The following ZNF208 variants were observed in gnomAD, a reference collection of about 807,000 sequenced individuals.
ZNF208 encodes the protein zinc finger protein 208, also known as zinc finger protein 95.
A neutral mutation model predicts 12.1 loss-of-function variants in ZNF208; 10 were observed. That is an observed-to-expected ratio of 0.83 (90% CI 0.51 to 1.40). The LOEUF (loss-of-function observed/expected upper bound fraction) is 1.40. ZNF208 is among the 40% of genes most tolerant of loss of function. The pLI is 0.00. For missense variants in ZNF208, 1,652 were observed against 1,485.0 expected (o/e 1.11, Z -1.85); for synonymous variants, 497 against 488.4 (o/e 1.02, Z -0.23).
At chr19:21,957,807 G>T (rs1392476994) in intron 4 of ZNF208, among the ~76,000 whole-genome samples, 1 of 152,024 alleles carries the variant, frequency 6.6e-6, no homozygotes, top group African/African-American at 2.4e-5. Context: ...TCTATTGTGA[G>T]TAGCTTTTTT....
chr19:21,975,551 CAGGT>C (rs1363510886), intron 3 of ZNF208, among the ~76,000 whole-genome samples: 4 of 152,044 alleles, frequency 2.6e-5, no homozygotes, highest in Non-Finnish European at 5.9e-5. Context: ...AATTTTGTGA[CAGGT>C]AGCCTTTTTA....
rs760602644 is a variant in ZNF208, at chr19:21,972,936, T to C, written c.2098A>G (p.Lys700Glu). The C allele has an allele frequency of 2.6e-5, 42 of 1,613,666 alleles. No homozygotes were observed. The highest frequency in any genetic ancestry group is 1.1e-5 in the Non-Finnish European group (13 of 1,179,922). ...AGGTTTGAGGACCAGTTGAAAGCTTTGCCACATTCTTCACATTTGTAGGGT... is the reference window on the plus strand; with the variant it reads ...AGGTTTGAGGACCAGTTGAAAGCTTCGCCACATTCTTCACATTTGTAGGGT... ...EKPYKCEECG[K>E]AFNWSSNLME... The change falls in exon 4 of 4, where the codon AAA becomes GAA. Residue 700 changes from lysine to glutamate, a missense_variant. By Grantham distance (56) the Lys-to-Glu change is moderately conservative. Coordinates refer to ENST00000397126, the MANE Select transcript of ZNF208 (RefSeq NM_007153.3).
intron 1 of ZNF208, among the ~76,000 whole-genome samples, chr19:22,007,182 TA>T (rs1248640845): frequency 6.6e-6 from 1 of 152,074 alleles, no homozygotes; most frequent in Non-Finnish European, 1.5e-5. Context: ...GCTAACATTC[TA>T]AAAGCTAGAT....
In ZNF208 at chr19:21,972,986, T is replaced by C. The variant is rs367608380; in HGVS notation, c.2048A>G (p.His683Arg). 10 of 1,613,818 alleles carry C rather than the reference T, an allele frequency of 6.2e-6. No individual in the cohort carries two copies. Among genetic ancestry groups the C allele is most frequent in the Non-Finnish European group, 8.5e-6 (10 of 1,179,912 alleles). The change falls in exon 4 of 4, where the codon CAT (histidine) becomes CGT (arginine). Residue 683 changes from histidine to arginine, a missense_variant. Physicochemically the swap from His to Arg is conservative, Grantham distance 29. Coordinates refer to ENST00000397126, the MANE Select transcript of ZNF208 (RefSeq NM_007153.3). The part of the protein sequence containing the change: ...AFSKFSILTK[H>R]KVIHTGEKPY... ...TTTCTCTCCAGTATGAATTACCTTA[T>C]GTTTAGTAAGGATTGAGAACTTACT...
chr19:21,950,649 A>T (rs1169050900), intron 4 of ZNF208, among the ~76,000 whole-genome samples: 4 of 152,008 alleles, frequency 2.6e-5, no homozygotes, highest in Non-Finnish European at 5.9e-5. Flanking sequence ...ATCTGCCACC[A>T]CACCCAGCTA....
At chr19:21,994,736 AAAT>A (rs971453601) in intron 1 of ZNF208, among the ~76,000 whole-genome samples, 1 of 152,128 alleles carries the variant, frequency 6.6e-6, no homozygotes, top group South Asian at 2.1e-4. Context: ...AAAGAAATAC[AAAT>A]AATAATAATG....
Position 21,969,373 on chromosome 19 carries a change from ATTC to A in ZNF208, c.*1815_*1817del, listed in dbSNP as rs1415001052. ...CTTCTTTTAAAGTTATATACAAATAATTCTTCTTTTTGCCAACTTTAGTTTTGG... is the reference window on the plus strand; with the variant it reads ...CTTCTTTTAAAGTTATATACAAATAATTCTTTTTGCCAACTTTAGTTTTGG... On this transcript the variant is annotated 3_prime_UTR_variant, in exon 4 of 4. Coordinates refer to ENST00000397126, the MANE Select transcript of ZNF208 (RefSeq NM_007153.3). Among the ~76,000 whole-genome samples the A allele has an allele frequency of 3.9e-5, 6 of 152,124 alleles. No homozygotes were observed. The highest frequency in any genetic ancestry group is 7.4e-5 in the Non-Finnish European group (5 of 68,018).
intron 1 of ZNF208, among the ~76,000 whole-genome samples, chr19:21,992,591 C>A (rs1326440672): frequency 1.3e-5 from 2 of 152,170 alleles, no homozygotes; most frequent in African/African-American, 2.4e-5. Flanking sequence ...GTTCTGTCTT[C>A]ACTAAAAACC....
intron 1 of ZNF208, among the ~76,000 whole-genome samples, chr19:22,001,107 G>T (rs1428357927): frequency 2.0e-5 from 3 of 152,080 alleles, no homozygotes; most frequent in African/African-American, 7.2e-5. Flanking sequence ...TCAACCTGGG[G>T]AAACCCCGTC....
intron 1 of ZNF208, among the ~76,000 whole-genome samples, chr19:22,002,706 C>G (rs1045248067): frequency 6.6e-6 from 1 of 152,014 alleles, no homozygotes; most frequent in African/African-American, 2.4e-5. Context: ...ATGACACAAA[C>G]AAATGGAAAG....
chr19:21,946,237 G>T (rs1419419622), intron 4 of ZNF208, among the ~76,000 whole-genome samples: 1 of 152,162 alleles, frequency 6.6e-6, no homozygotes, highest in East Asian at 1.9e-4. Flanking sequence ...GTGGGCCAAG[G>T]TCTTTGGCCA....
chr19:21,976,326 C>T (rs1443839105), intron 3 of ZNF208, among the ~76,000 whole-genome samples: 1 of 152,008 alleles, frequency 6.6e-6, no homozygotes, highest in East Asian at 1.9e-4. Context: ...TCTATGCAAT[C>T]CCCAAGGTAC....
chr19:21,964,457 TAATA>T (rs1175243245), downstream of ZNF208, among the ~76,000 whole-genome samples: 1 of 151,590 alleles, frequency 6.6e-6, no homozygotes, highest in African/African-American at 2.4e-5. Context: ...AAAAAAATTT[TAATA>T]TATATTTTTA....
At chr19:21,943,514 T>G (rs1254439164) in intron 4 of ZNF208, among the ~76,000 whole-genome samples, 1 of 152,238 alleles carries the variant, frequency 6.6e-6, no homozygotes, top group Non-Finnish European at 1.5e-5. Flanking sequence ...TTAAAAATAC[T>G]GCTTTGTACT....
chr19:21,961,393 G>A (rs1253278711), downstream of ZNF208, among the ~76,000 whole-genome samples: 1 of 152,118 alleles, frequency 6.6e-6, no homozygotes, highest in African/African-American at 2.4e-5. Context: ...TGAGGAAATA[G>A]GGCAAGGACT....
Position 21,973,986 on chromosome 19 carries a change from A to T in ZNF208, c.1048T>A (p.Phe350Ile), listed in dbSNP as rs1029460376. 6.2e-7 allele frequency: 1 copy of T among 1,601,912 alleles called. No homozygotes were observed. Among genetic ancestry groups the T allele is most frequent in the Admixed American group, 1.7e-5 (1 of 59,548 alleles). ...TTAGTAAGGATTGAGAACTTACTAA[A>T]GGCTTTGCCACATTCTTTACATTTG... The part of the protein sequence containing the change: ...PYKCKECGKA[F>I]SKFSILTKHK... The change falls in exon 4 of 4, where the codon TTT becomes ATT. Residue 350 changes from phenylalanine to isoleucine, a missense_variant. Coordinates refer to ENST00000397126, the MANE Select transcript of ZNF208 (RefSeq NM_007153.3).
chr19:21,946,806 A>T (rs1426381656), intron 4 of ZNF208, among the ~76,000 whole-genome samples: 1 of 152,108 alleles, frequency 6.6e-6, no homozygotes, highest in Non-Finnish European at 1.5e-5. Flanking sequence ...GGGCCTACCC[A>T]TTGTGTGGAA....
At chr19:22,009,020 T>C (rs987878881) in intron 1 of ZNF208, among the ~76,000 whole-genome samples, 5 of 152,072 alleles carry the variant, frequency 3.3e-5, no homozygotes, top group Admixed American at 6.6e-5. Flanking sequence ...AACTGAAGGG[T>C]GTCTGAGGAC....
chr19:21,954,682 G>A (rs1004516881), intron 4 of ZNF208, among the ~76,000 whole-genome samples: 1 of 152,052 alleles, frequency 6.6e-6, no homozygotes, highest in African/African-American at 2.4e-5. Flanking sequence ...TTTTCCATTT[G>A]CTTGGTAGAT....
Sources: gnomAD v4.1 joint callset for allele counts (sites outside exome capture counted in the v4.1 genomes callset) on GRCh38, gnomAD v4.1.1 for gene constraint, MANE v1.5 for transcripts, NCBI Gene and HGNC (gene_info 2026-07-23, HGNC 2026-07-21) for gene names.